The following CALCOCO1 variants were observed in gnomAD, a reference collection of about 807,000 sequenced individuals.
CALCOCO1 encodes calcium binding and coiled-coil domain 1, also known as calcium-binding and coiled-coil domain-containing protein 1.
In CALCOCO1, 44 loss-of-function variants were observed where a neutral mutation model predicts 86.3. That is an observed-to-expected ratio of 0.51 (90% CI 0.40 to 0.66). The LOEUF (loss-of-function observed/expected upper bound fraction) is 0.66, where lower values mean the gene tolerates loss of function less well. Ranked by LOEUF, CALCOCO1 falls within the 30% of genes least tolerant of loss-of-function variation. The pLI, the probability that CALCOCO1 is intolerant of heterozygous loss-of-function variation, is 0.00. For missense variants in CALCOCO1, 708 were observed against 851.1 expected, an observed-to-expected ratio of 0.83 and a Z score of 2.09; for synonymous variants, 297 against 327.6, an observed-to-expected ratio of 0.91 and a Z score of 1.01.
At chr12:53,715,074 A>G in intron 10 of CALCOCO1, 126 bp downstream of exon 10, 1 of 1,198,194 alleles carries the variant, frequency 8.3e-7, no homozygotes, top group Non-Finnish European at 1.2e-6. Flanking sequence ...TGCGTGTGCA[A>G]GTGAAATGCC....
chr12:53,714,671 C>G lies in CALCOCO1; in HGVS notation c.1409G>C (p.Arg470Pro), dbSNP rs754272300. The stretch of plus-strand genomic sequence containing the variant: ...GGCTGACCGCAGCTCTGTCAGCTCC[C>G]GCTTACTTTCTGACAACTGTACCTG... ...SSLVQLSESK[R>P]ELTELRSALR... The change falls in exon 11 of 15, where the codon CGG (arginine) becomes CCG (proline). Residue 470 changes from arginine (R) to proline (P), a missense_variant. Physicochemically the swap from Arg to Pro is moderately radical, Grantham distance 103 (BLOSUM62 -2). Coordinates refer to ENST00000550804, the MANE Select transcript of CALCOCO1 (RefSeq NM_020898.3). 3 of 1,613,826 alleles carry G rather than the reference C, an allele frequency of 1.9e-6. No homozygotes were observed. Among genetic ancestry groups the G allele is most frequent in the Non-Finnish European group, 2.5e-6 (3 of 1,179,922 alleles).
Position 53,708,682 on chromosome 12 carries a change from T to G in CALCOCO1, c.*3262A>C, listed in dbSNP as rs1194546826. On this transcript the variant is annotated 3_prime_UTR_variant, in exon 15 of 15. Transcript: ENST00000550804. ...CTATGTTCCAGTCTCTATACTAGATTTTAGGAACACAGTGATGTATAAGCA... is the reference window on the plus strand; with the variant it reads ...CTATGTTCCAGTCTCTATACTAGATGTTAGGAACACAGTGATGTATAAGCA... 1 of 152,178 alleles carries G rather than the reference T, an allele frequency of 6.6e-6. No individual in the cohort carries two copies. Among genetic ancestry groups the G allele is most frequent in the Non-Finnish European group, 1.5e-5 (1 of 68,034 alleles). 9.4% of individuals were successfully genotyped at this position (152,178 alleles called of 1,614,324 possible). A position where few individuals can be genotyped will look rare whatever the true frequency, so the allele number is the denominator to read the frequency against.
At chr12:53,726,316 A>G (rs1395237507) in intron 1 of CALCOCO1, 5 of 152,104 alleles carry the variant, frequency 3.3e-5, no homozygotes, top group Non-Finnish European at 7.4e-5. Flanking sequence ...ATCTGTTTGT[A>G]TTGGTAGCTG....
At position 53,722,029 on chromosome 12, in the gene CALCOCO1, T is replaced by C. The variant is rs1368162238; in HGVS notation, c.605A>G (p.Tyr202Cys). ...CCTACCTGGCCCAGCTCCCACCTTG[T>C]ACTGTTCCATCAGCTCCGTGTGCTC... ...RQEHTELMEQ[Y>C]KGISRSHGEI... is the part of the protein sequence containing the mutation. The change falls in exon 5 of 15, where the codon TAC (tyrosine) becomes TGC (cysteine). Residue 202 changes from tyrosine (Y) to cysteine (C), a missense_variant. Physicochemically the swap from Tyr to Cys is radical, Grantham distance 194 (BLOSUM62 -2). Transcript: ENST00000550804. 6.2e-6 allele frequency: 10 copies of C among 1,612,990 alleles called. No individual in the cohort carries two copies. The South Asian group carries it at 8.8e-5, about 14-fold the overall frequency.
chr12:53,718,777 G>A (rs1211004589), intron 7 of CALCOCO1, among the ~76,000 whole-genome samples: 2 of 149,112 alleles, frequency 1.3e-5, no homozygotes, highest in Non-Finnish European at 3.0e-5. Flanking sequence ...CAATCCTCTC[G>A]CCTTGGCCTC....
rs1285070900 is a variant in CALCOCO1 at position 53,710,009 on chromosome 12, G to GGGAGA, written c.*1934_*1935insTCTCC. ...ATAGGCCAAGAGAGGGAGAGGGAGA[G>GGGAGA]GGGGGAAGGTAAAAGGAGGGATGGG... On this transcript the variant is annotated 3_prime_UTR_variant, in exon 15 of 15. Coordinates refer to ENST00000550804, the MANE Select transcript of CALCOCO1 (RefSeq NM_020898.3). 4.4e-5 allele frequency: 3 copies of GGGAGA among 68,830 alleles called. No individual in the cohort carries two copies. The highest frequency in any genetic ancestry group is 7.0e-4 in the South Asian group (2 of 2,858). 4.3% of individuals were successfully genotyped at this position (68,830 alleles called of 1,614,324 possible). A position where few individuals can be genotyped will look rare whatever the true frequency, so the allele number is the denominator to read the frequency against.
At position 53,725,270 on chromosome 12, in the gene CALCOCO1, T is replaced by A. The variant is rs376476147; in HGVS notation, c.-24-4A>T. On this transcript the variant is annotated splice_region_variant and splice_polypyrimidine_tract_variant and intron_variant, in intron 1 of 14. Transcript: ENST00000550804. ...TGGCCTTGAGATATCTGTCCTCCTA[T>A]GAAAGAAAGGGTTGATAGCCTAAAG... The A allele has an allele frequency of 1.0e-5, 16 of 1,549,308 alleles. No homozygotes were observed. The highest frequency in any genetic ancestry group is 2.8e-5 in the African/African-American group (2 of 72,352).
At chr12:53,725,312 C>T (rs548938197) in intron 1 of CALCOCO1, 46 bp from the exon 2 acceptor site, 1 of 1,334,620 alleles carries the variant, frequency 7.5e-7, no homozygotes, top group East Asian at 2.6e-5. Context: ...CAGTCCACCT[C>T]CTTCCCCCCA....
At position 53,711,757 on chromosome 12, in the gene CALCOCO1, G is replaced by C. The variant is rs184795396; in HGVS notation, c.*187C>G. On this transcript the variant is annotated 3_prime_UTR_variant, in exon 15 of 15. Coordinates refer to ENST00000550804, the MANE Select transcript of CALCOCO1 (RefSeq NM_020898.3). ...AACAGGACCCCTCCCTGGGACAAAA[G>C]AGCCAGGTAGGAGAGGATGAAGTGA... 4.0e-6 allele frequency: 2 copies of C among 499,056 alleles called. No individual in the cohort carries two copies. Among genetic ancestry groups the C allele is most frequent in the Non-Finnish European group, 6.7e-6 (2 of 300,250 alleles). The allele number at this position is 499,056 out of a possible 1,614,324, so 30.9% of individuals were successfully genotyped here.
chr12:53,716,354 T>C lies in CALCOCO1; in HGVS notation c.911A>G (p.Lys304Arg). 1 of 1,614,218 alleles carries C rather than the reference T, an allele frequency of 6.2e-7. No homozygotes were observed. The highest frequency in any genetic ancestry group is 8.5e-7 in the Non-Finnish European group (1 of 1,180,050). The change falls in exon 8 of 15, where the codon AAG becomes AGG. Residue 304 changes from lysine (K) to arginine (R), a missense_variant. Lys to Arg is a conservative substitution (Grantham distance 26). Coordinates refer to ENST00000550804, the MANE Select transcript of CALCOCO1 (RefSeq NM_020898.3). ...AGCACTCTGCTCCTCTTGCCAGCTC[T>C]TCGCCTCCTTCAGGTCCAAATTTAA... Reference protein sequence around the residue: ...HHLNLDLKEAKSWQEEQSAQA... With the variant: ...HHLNLDLKEARSWQEEQSAQA...
At chr12:53,716,910 G>A (rs1423659597) in intron 7 of CALCOCO1, among the ~76,000 whole-genome samples, 1 of 152,152 alleles carries the variant, frequency 6.6e-6, no homozygotes, top group Non-Finnish European at 1.5e-5. Context: ...CCTGGTCACA[G>A]CCATTTTCCC....
rs768070225 is a variant in CALCOCO1 at position 53,723,804 on chromosome 12, C to T, written c.260-21G>A. The T allele has an allele frequency of 9.3e-6, 15 of 1,606,266 alleles. No homozygotes were observed. The South Asian group carries it at 1.5e-4, about 17-fold the overall frequency. ...GCTGGCTGTGGGAAGAAGAATGGACCCAGGACCCCAATAATCCACTGTCCT... is the reference window on the plus strand; with the variant it reads ...GCTGGCTGTGGGAAGAAGAATGGACTCAGGACCCCAATAATCCACTGTCCT... On this transcript the variant is annotated intron_variant, in intron 3 of 14. Coordinates refer to ENST00000550804, the MANE Select transcript of CALCOCO1 (RefSeq NM_020898.3).
rs201013720 is a variant in CALCOCO1 at position 53,715,175 on chromosome 12, G to T, written c.1386+25C>A. ...GATGCCTCAGGAGGCCATAGGACAG[G>T]ACCCTTGGTGGCTGGATGCCTCACC... On this transcript the variant is annotated intron_variant, in intron 10 of 14. Coordinates refer to ENST00000550804, the MANE Select transcript of CALCOCO1 (RefSeq NM_020898.3). The T allele has an allele frequency of 2.5e-5, 40 of 1,613,186 alleles. No homozygotes were observed. In the East Asian group the frequency reaches 7.8e-4, roughly 31 times the overall value.
intron 1 of CALCOCO1, 126 bp from the exon 2 acceptor site, chr12:53,725,392 C>A: frequency 1.6e-6 from 1 of 612,262 alleles, no homozygotes; most frequent in Non-Finnish European, 2.7e-6. Context: ...GGTTTCTAGT[C>A]CCTGAGGGTT....
At chr12:53,721,921 T>C (rs1162310150) in intron 5 of CALCOCO1, 104 bp downstream of exon 5, 1 of 1,340,450 alleles carries the variant, frequency 7.5e-7, no homozygotes, top group African/African-American at 1.4e-5. Context: ...CCAGAACCAT[T>C]GTAAAAGCCC....
At chr12:53,719,982 C>A (rs1156271903) in intron 6 of CALCOCO1, among the ~76,000 whole-genome samples, 153 bp from the exon 7 acceptor site, 1 of 152,204 alleles carries the variant, frequency 6.6e-6, no homozygotes. Context: ...TGATCCAGTT[C>A]TAAGCCCCAG....
intron 3 of CALCOCO1, 25 bp downstream of exon 3, chr12:53,724,620 C>A: frequency 6.3e-7 from 1 of 1,587,046 alleles, no homozygotes; most frequent in Non-Finnish European, 8.6e-7. Flanking sequence ...GCTCCTCTCT[C>A]CCAATTTTCC....
chr12:53,712,067 G>T lies in CALCOCO1; in HGVS notation c.1953C>A (p.Pro651=). Residue 651 remains proline, a synonymous_variant, in exon 15 of 15, where the codon CCC becomes CCA. Transcript: ENST00000550804. ...TACAGATAGGACACTCCTTCCATGT[G>T]GGGGTGGCAGGGCCCCCAGTGCTGG... ...SETSTGGPAT[P]TWKECPICKE... is the part of the protein sequence containing the mutation. 6.2e-7 allele frequency: 1 copy of T among 1,611,412 alleles called. No homozygotes were observed. Among genetic ancestry groups the T allele is most frequent in the Non-Finnish European group, 8.5e-7 (1 of 1,178,836 alleles).
intron 14 of CALCOCO1, 46 bp from the exon 15 acceptor site, chr12:53,712,167 C>T: frequency 6.6e-7 from 1 of 1,515,450 alleles, no homozygotes; most frequent in Non-Finnish European, 8.9e-7. Context: ...GTGCTCTGTT[C>T]CCTTCTTGAC....
Sources: allele counts gnomAD v4.1 joint callset (sites outside exome capture counted in the v4.1 genomes callset), GRCh38; gene constraint gnomAD v4.1.1; transcripts MANE v1.5; gene names NCBI Gene and HGNC (gene_info 2026-07-23, HGNC 2026-07-21).